Variants in CDC14A observed in about 807,000 individuals in gnomAD.
CDC14A encodes the protein cell division cycle 14A, also known as dual specificity protein phosphatase CDC14A.
CDC14A carries 53 observed loss-of-function variants against 74.4 expected under a neutral mutation model. That is an observed-to-expected ratio of 0.71 (90% CI 0.57 to 0.89). The LOEUF (loss-of-function observed/expected upper bound fraction) is 0.89. CDC14A is among the 40% of genes least tolerant of loss of function. The pLI is 0.00. For missense variants in CDC14A, 646 were observed against 713.7 expected, an observed-to-expected ratio of 0.91 and a Z score of 1.08; for synonymous variants, 247 against 258.4, an observed-to-expected ratio of 0.96 and a Z score of 0.43.
intron 2 of CDC14A, among the ~76,000 whole-genome samples, chr1:100,362,575 G>C (rs1026980812): frequency 2.6e-5 from 4 of 152,040 alleles, no homozygotes; most frequent in African/African-American, 9.7e-5. Context: ...CCTATGTCTT[G>C]TCATTTTAAG....
chr1:100,448,207 G>A (rs1266161245), intron 7 of CDC14A, among the ~76,000 whole-genome samples: 2 of 152,114 alleles, frequency 1.3e-5, no homozygotes, highest in Admixed American at 1.3e-4. Context: ...GGAGATAAAA[G>A]TTGAAAAATG....
intron 7 of CDC14A, 64 bp from the exon 8 acceptor site, chr1:100,455,341 G>T (rs1666573242): frequency 3.8e-6 from 4 of 1,062,604 alleles, no homozygotes; most frequent in African/African-American, 3.2e-5. Context: ...ATTTGTAAGG[G>T]TTTCCTAAAT....
At chr1:100,491,808 G>C (rs531719946) in intron 11 of CDC14A, among the ~76,000 whole-genome samples, 1 of 150,482 alleles carries the variant, frequency 6.6e-6, no homozygotes, top group South Asian at 2.1e-4. Context: ...CTGGCCTCAT[G>C]TCATCCACCT....
intron 2 of CDC14A, among the ~76,000 whole-genome samples, chr1:100,362,673 G>C (rs1339563165): frequency 6.6e-6 from 1 of 152,044 alleles, no homozygotes; most frequent in Non-Finnish European, 1.5e-5. Flanking sequence ...AAAATATATT[G>C]GTTTGTTTTA....
At chr1:100,363,426 C>T (rs1653079560) in intron 2 of CDC14A, among the ~76,000 whole-genome samples, 1 of 152,024 alleles carries the variant, frequency 6.6e-6, no homozygotes, top group Non-Finnish European at 1.5e-5. Context: ...CTTTTTAACT[C>T]GTATATCAAA....
At chr1:100,427,235 C>A (rs1005872088) in intron 5 of CDC14A, among the ~76,000 whole-genome samples, 3 of 151,936 alleles carry the variant, frequency 2.0e-5, no homozygotes, top group Non-Finnish European at 2.9e-5. Flanking sequence ...AAATGAGAAG[C>A]CTTAAAGGAA....
chr1:100,413,060 A>G (rs1276246132), intron 4 of CDC14A, among the ~76,000 whole-genome samples: 1 of 151,822 alleles, frequency 6.6e-6, no homozygotes, highest in African/African-American at 2.4e-5. Flanking sequence ...TGTCAAAAAG[A>G]AAAGAAAAAA....
At chr1:100,482,939 C>T (rs146680921) in intron 10 of CDC14A, among the ~76,000 whole-genome samples, 2 of 152,186 alleles carry the variant, frequency 1.3e-5, no homozygotes, top group African/African-American at 2.4e-5. Context: ...TTTTTTATGG[C>T]TGCATAGTAT....
intron 10 of CDC14A, 101 bp downstream of exon 10, chr1:100,468,195 G>A (rs1257714020): frequency 1.5e-6 from 2 of 1,347,424 alleles, no homozygotes; most frequent in Admixed American, 1.9e-5. Flanking sequence ...GTTATAAAAT[G>A]GCTGCATTGT....
At chr1:100,416,638 C>G (rs1661563042) in intron 4 of CDC14A, among the ~76,000 whole-genome samples, 1 of 152,038 alleles carries the variant, frequency 6.6e-6, no homozygotes, top group African/African-American at 2.4e-5. Context: ...GAAATAATAA[C>G]AGTGTGGGTC....
At chr1:100,498,647 TG>T (rs1648240841) in intron 14 of CDC14A, among the ~76,000 whole-genome samples, 1 of 150,428 alleles carries the variant, frequency 6.6e-6, no homozygotes, top group African/African-American at 2.4e-5. Flanking sequence ...AATAAAACTC[TG>T]TGATGTTCTA....
At chr1:100,417,981 A>C (rs929324825) in intron 4 of CDC14A, among the ~76,000 whole-genome samples, 12 of 152,174 alleles carry the variant, frequency 7.9e-5, no homozygotes, top group Non-Finnish European at 1.6e-4. Flanking sequence ...ACTAATTACA[A>C]AAGAGCTGTG....
chr1:100,345,226 A>C (rs1650314070), intron 1 of CDC14A: 3 of 152,224 alleles, frequency 2.0e-5, no homozygotes, highest in Admixed American at 2.0e-4. Context: ...GGAGTCAATT[A>C]AATTACAATA....
At chr1:100,462,543 T>C in intron 8 of CDC14A, 108 bp from the exon 9 acceptor site, 1 of 835,212 alleles carries the variant, frequency 1.2e-6, no homozygotes, top group South Asian at 1.7e-5. Context: ...CACACTTTCC[T>C]CCCAAGCTTT....
intron 2 of CDC14A, among the ~76,000 whole-genome samples, chr1:100,376,049 C>CA (rs1212522236): frequency 2.6e-5 from 4 of 151,354 alleles, no homozygotes; most frequent in Non-Finnish European, 4.4e-5. Context: ...ATCACAAGGA[C>CA]AAAAAATCAA....
Position 100,404,864 on chromosome 1 carries a change from A to C in CDC14A, c.309+14040A>C, listed in dbSNP as rs573709326. Among the ~76,000 whole-genome samples, 1,065 of 149,932 alleles carry C rather than the reference A, an allele frequency of 7.1e-3. 7 individuals are homozygous for C. Among genetic ancestry groups the C allele is most frequent in the African/African-American group, 0.024 (987 of 41,134 alleles). ...AAACAAAACAAAACAAAACAAAACA[A>C]AAAACTAAATAGTAGGACTGGGAAA... On this transcript the variant is annotated intron_variant, in intron 4 of 15. Transcript: ENST00000336454.
chr1:100,372,337 A>G (rs1457022707), intron 2 of CDC14A, among the ~76,000 whole-genome samples: 2 of 152,236 alleles, frequency 1.3e-5, no homozygotes, highest in Non-Finnish European at 2.9e-5. Context: ...TCCTTTCATG[A>G]AAGATTTCTC....
chr1:100,443,080 G>T, intron 7 of CDC14A, 84 bp downstream of exon 7: 1 of 864,890 alleles, frequency 1.2e-6, no homozygotes, highest in East Asian at 2.5e-5. Context: ...ATTGCAAATC[G>T]AGTGGGTGCT....
chr1:100,503,489 C>G (rs929893480), intron 15 of CDC14A, among the ~76,000 whole-genome samples: 3 of 152,206 alleles, frequency 2.0e-5, no homozygotes, highest in African/African-American at 7.2e-5. Context: ...TGCTCACTCA[C>G]TTTTTGCAGC....
Sources: gnomAD v4.1 joint callset for allele counts (sites outside exome capture counted in the v4.1 genomes callset) on GRCh38, gnomAD v4.1.1 for gene constraint, MANE v1.5 for transcripts, NCBI Gene and HGNC (gene_info 2026-07-23, HGNC 2026-07-21) for gene names.